Variants in AKAP9 observed in about 807,000 individuals in gnomAD.
The protein encoded by AKAP9 is A-kinase anchor protein 9.
A neutral mutation model predicts 488.5 loss-of-function variants in AKAP9; 311 were observed. The observed-to-expected ratio is 0.64, with a 90% CI of 0.58 to 0.70. AKAP9 has a LOEUF of 0.70. Ranked by LOEUF, AKAP9 falls within the 30% of genes least tolerant of loss-of-function variation. AKAP9 has a pLI of 0.00. For synonymous variants in AKAP9, 1,462 were observed against 1,483.5 expected (o/e 0.99, Z 0.33); for missense variants, 4,215 against 4,374.5 (o/e 0.96, Z 1.03).
In AKAP9 at chr7:92,100,458, C is replaced by A. The variant is rs201128438; in HGVS notation, c.10897-398C>A. 4.6e-5 allele frequency among the ~76,000 whole-genome samples: 7 copies of A among 152,284 alleles called. No homozygotes were observed. The East Asian group carries it at 1.2e-3, about 25-fold the overall frequency. ...CTGTGTGGTTAAATACATGATAACA[C>A]ATTTACGTGCCTTTTATAGAAATCC... is the stretch of plus-strand genomic sequence containing the variant. On this transcript the variant is annotated intron_variant, in intron 44 of 49. Transcript: ENST00000356239.
At position 92,038,706 on chromosome 7, in the gene AKAP9, G is replaced by T. The variant is rs772229774; in HGVS notation, c.4626G>T (p.Lys1542Asn). The change falls in exon 17 of 50, where the codon AAG (lysine) becomes AAT (asparagine). Residue 1542 changes from lysine to asparagine, a missense_variant. Coordinates refer to ENST00000356239, the MANE Select transcript of AKAP9 (RefSeq NM_005751.5). Reference sequence around the variant, plus strand: ...ATCCCCATGATATACCAGAATCAAAGGACTGTGTGCTGACTATTTCAGAAG... The same window carrying T: ...ATCCCCATGATATACCAGAATCAAATGACTGTGTGCTGACTATTTCAGAAG... ...NSDPHDIPES[K>N]DCVLTISEEM... 1 of 1,606,588 alleles carries T rather than the reference G, an allele frequency of 6.2e-7. No individual in the cohort carries two copies. The highest frequency in any genetic ancestry group is 1.3e-5 in the African/African-American group (1 of 74,344).
chr7:92,075,380 A>G (rs1812419757), intron 28 of AKAP9, among the ~76,000 whole-genome samples: 1 of 152,266 alleles, frequency 6.6e-6, no homozygotes, highest in South Asian at 2.1e-4. Flanking sequence ...ATGTTAAATC[A>G]CTTTGAAGAA....
intron 40 of AKAP9, among the ~76,000 whole-genome samples, chr7:92,096,469 G>A (rs984639368): frequency 3.3e-5 from 5 of 151,730 alleles, no homozygotes; most frequent in African/African-American, 4.8e-5. Context: ...CAAGTAGCTG[G>A]GACTACAGGC....
At chr7:91,978,754 AATT>A (rs779650904) in intron 2 of AKAP9, among the ~76,000 whole-genome samples, 5 of 150,556 alleles carry the variant, frequency 3.3e-5, no homozygotes, top group African/African-American at 7.3e-5. Flanking sequence ...GATTTATTTT[AATT>A]ATTATTATTA....
chr7:91,989,808 A>G (rs1488577568), intron 3 of AKAP9, among the ~76,000 whole-genome samples: 1 of 152,022 alleles, frequency 6.6e-6, no homozygotes, highest in Non-Finnish European at 1.5e-5. Flanking sequence ...TTTAATTTAT[A>G]TATTTCCAAA....
rs186498327 is a variant in AKAP9, at chr7:92,032,977, G to A, written c.4338+1373G>A. ...AGTTACTTAACTTGTGAATCTCAGC[G>A]TTTTATATGTTGAAAGAGGAAATTG... is the stretch of plus-strand genomic sequence containing the variant. On this transcript the variant is annotated intron_variant, in intron 16 of 49. Coordinates refer to ENST00000356239, the MANE Select transcript of AKAP9 (RefSeq NM_005751.5). 2.7e-3 allele frequency among the ~76,000 whole-genome samples: 414 copies of A among 151,064 alleles called. 1 individual carries two copies. Among genetic ancestry groups the A allele is most frequent in the African/African-American group, 9.7e-3 (403 of 41,440 alleles).
In AKAP9 at chr7:92,003,148, T is replaced by A. The variant is rs759250593; in HGVS notation, c.3231T>A (p.Ser1077=). Reference sequence around the variant, plus strand: ...AGTTGATTTTGGATCACTTACCATCTGTAACAAAGGAATCATCACTTAGAG... The same window carrying A: ...AGTTGATTTTGGATCACTTACCATCAGTAACAAAGGAATCATCACTTAGAG... ...QEQLILDHLP[S]VTKESSLRAT... Residue 1077 remains serine, a synonymous_variant, in exon 8 of 50, where the codon TCT becomes TCA. Transcript: ENST00000356239. 1.2e-5 allele frequency: 19 copies of A among 1,611,052 alleles called. No homozygotes were observed. Among genetic ancestry groups the A allele is most frequent in the Non-Finnish European group, 1.6e-5 (19 of 1,178,714 alleles).
At chr7:92,078,002 A>T in intron 30 of AKAP9, 127 bp downstream of exon 30, 1 of 650,370 alleles carries the variant, frequency 1.5e-6, no homozygotes, top group South Asian at 3.4e-5. Context: ...ATTTTATTTT[A>T]TTTATTTTTT....
intron 1 of AKAP9, among the ~76,000 whole-genome samples, chr7:91,948,767 A>G (rs777645652): frequency 4.6e-5 from 7 of 151,808 alleles, no homozygotes; most frequent in Non-Finnish European, 1.0e-4. Flanking sequence ...ATCCACCACC[A>G]TGCCCGATTA....
chr7:92,094,917 T>A (rs1257086438), intron 39 of AKAP9, 106 bp from the exon 40 acceptor site: 1 of 877,766 alleles, frequency 1.1e-6, no homozygotes, highest in Non-Finnish European at 1.9e-6. Context: ...TCCTCTTAGC[T>A]AGTTTATTAT....
chr7:92,017,821 G>A (rs1171958648), intron 12 of AKAP9, among the ~76,000 whole-genome samples: 1 of 151,796 alleles, frequency 6.6e-6, no homozygotes, highest in African/African-American at 2.4e-5. Context: ...GTTTCTTCTT[G>A]CCTACTCTGT....
At chr7:92,094,026 T>C (rs1277555085) in intron 39 of AKAP9, among the ~76,000 whole-genome samples, 1 of 151,702 alleles carries the variant, frequency 6.6e-6, no homozygotes, top group East Asian at 2.0e-4. Flanking sequence ...AATTTTTGTA[T>C]TTTCAATAGA....
Position 92,102,800 on chromosome 7 carries a change from C to T in AKAP9, c.11304C>T (p.Ala3768=), listed in dbSNP as rs1452191890. The change falls in exon 46 of 50, where the codon GCC becomes GCT. Residue 3768 remains alanine (A), a synonymous_variant. Coordinates refer to ENST00000356239, the MANE Select transcript of AKAP9 (RefSeq NM_005751.5). ...AGGGCTTCACCAGGTTTCGGTCGGC[C>T]GTCAGAGTATCCATTGCAATTTCCA... The part of the protein sequence containing the change: ...RPKGFTRFRS[A]VRVSIAISRM... 1.2e-6 allele frequency: 2 copies of T among 1,614,080 alleles called. No individual in the cohort carries two copies. Among genetic ancestry groups the T allele is most frequent in the South Asian group, 1.1e-5 (1 of 91,080 alleles).
intron 18 of AKAP9, chr7:92,041,325 T>C (rs1009751393): frequency 1.3e-5 from 2 of 158,654 alleles, no homozygotes; most frequent in African/African-American, 4.8e-5. Flanking sequence ...TATAGTTTTG[T>C]GAGTCCACCA....
intron 31 of AKAP9, among the ~76,000 whole-genome samples, chr7:92,081,458 C>G (rs1813536637): frequency 6.9e-6 from 1 of 145,636 alleles, no homozygotes; most frequent in African/African-American, 2.5e-5. Flanking sequence ...ACACGCACCA[C>G]CACACCCGGC....
At chr7:92,082,721 A>C (rs893860438) in intron 32 of AKAP9, 59 bp downstream of exon 32, 107 of 1,565,786 alleles carry the variant, frequency 6.8e-5, no homozygotes, top group Non-Finnish European at 8.9e-5. Flanking sequence ...ATTACGTTTC[A>C]AAGTATATAC....
chr7:91,945,144 T>C lies in AKAP9; in HGVS notation c.48+3997T>C, dbSNP rs377485128. Among the ~76,000 whole-genome samples, 3 of 152,174 alleles carry C rather than the reference T, an allele frequency of 2.0e-5. No homozygotes were observed. In the South Asian group the frequency reaches 6.2e-4, roughly 32 times the overall value. On this transcript the variant is annotated intron_variant, in intron 1 of 49. Coordinates refer to ENST00000356239, the MANE Select transcript of AKAP9 (RefSeq NM_005751.5). The stretch of plus-strand genomic sequence containing the variant: ...GGGAGGCTGAGGTGGGAGGATCGCT[T>C]GAGCCCAGAGGTTCTAGATCAGCCT...
At chr7:92,040,114 C>T (rs1379011540) in intron 17 of AKAP9, among the ~76,000 whole-genome samples, 2 of 152,146 alleles carry the variant, frequency 1.3e-5, no homozygotes, top group Admixed American at 6.5e-5. Context: ...ATGATGTACT[C>T]GTAGAACATA....
intron 1 of AKAP9, among the ~76,000 whole-genome samples, chr7:91,968,006 T>C (rs936151841): frequency 3.3e-5 from 5 of 152,146 alleles, no homozygotes; most frequent in African/African-American, 1.2e-4. Flanking sequence ...GGTGTGTTCA[T>C]AGATCACTGC....
Sources: gnomAD v4.1 joint callset for allele counts (sites outside exome capture counted in the v4.1 genomes callset) on GRCh38, gnomAD v4.1.1 for gene constraint, MANE v1.5 for transcripts, NCBI Gene and HGNC (gene_info 2026-07-23, HGNC 2026-07-21) for gene names.